The following USH2A variants were observed in gnomAD, a reference collection of about 807,000 sequenced individuals.
USH2A encodes usherin, also known as Usher syndrome 2A (autosomal recessive, mild).
A neutral mutation model predicts 538.9 loss-of-function variants in USH2A; 443 were observed. That is an observed-to-expected ratio of 0.82 (90% CI 0.76 to 0.89). The LOEUF (loss-of-function observed/expected upper bound fraction) is 0.89, where lower values mean the gene tolerates loss of function less well. Among genes scored for constraint, USH2A ranks in the 40% least tolerant of loss-of-function variants. The probability of loss-of-function intolerance (pLI) is 0.00; values close to 1 mark genes in which losing one functional copy is unlikely to be tolerated. For synonymous variants in USH2A, 2,413 were observed against 2,273.5 expected, an observed-to-expected ratio of 1.06 and a Z score of -1.75; for missense variants, 6,633 against 6,324.8, an observed-to-expected ratio of 1.05 and a Z score of -1.65.
intron 67 of USH2A, among the ~76,000 whole-genome samples, chr1:215,642,499 C>T (rs1656716458): frequency 1.3e-5 from 2 of 152,304 alleles, no homozygotes; most frequent in Middle Eastern, 3.4e-3. Flanking sequence ...CTCACCCCAA[C>T]TGTTAAATAT....
At chr1:215,922,982 C>T (rs569678232) in intron 38 of USH2A, among the ~76,000 whole-genome samples, 2 of 152,080 alleles carry the variant, frequency 1.3e-5, no homozygotes, top group East Asian at 3.9e-4. Flanking sequence ...ATGGGATGAG[C>T]CATTTCACAG....
At chr1:216,099,669 A>C (rs1205963374) in intron 21 of USH2A, among the ~76,000 whole-genome samples, 2 of 152,194 alleles carry the variant, frequency 1.3e-5, no homozygotes, top group African/African-American at 2.4e-5. Context: ...AACTCTATAC[A>C]TACCAGGAAA....
chr1:215,996,568 T>A (rs940050602), intron 34 of USH2A, among the ~76,000 whole-genome samples: 1 of 65,148 alleles, frequency 1.5e-5, no homozygotes, highest in Non-Finnish European at 3.7e-5. Flanking sequence ...ATGTTTTTTT[T>A]TTTTTTTTTT....
intron 55 of USH2A, among the ~76,000 whole-genome samples, chr1:215,772,855 G>A (rs1465926486): frequency 6.6e-6 from 1 of 152,192 alleles, no homozygotes; most frequent in Non-Finnish European, 1.5e-5. Context: ...AGCATGTTTA[G>A]TGATTAGCTC....
chr1:216,236,073 A>G (rs2035808828), intron 13 of USH2A, among the ~76,000 whole-genome samples: 1 of 152,144 alleles, frequency 6.6e-6, no homozygotes, highest in South Asian at 2.1e-4. Flanking sequence ...TCACGCTAAA[A>G]TTACTTCTAG....
intron 11 of USH2A, among the ~76,000 whole-genome samples, chr1:216,257,626 A>AT (rs933804349): frequency 6.6e-6 from 1 of 151,856 alleles, no homozygotes; most frequent in South Asian, 2.1e-4. Flanking sequence ...TTATTTGAAT[A>AT]TTTTTTATAT....
intron 35 of USH2A, among the ~76,000 whole-genome samples, chr1:215,989,141 T>C (rs1217642347): frequency 1.3e-5 from 2 of 152,232 alleles, no homozygotes; most frequent in South Asian, 2.1e-4. Flanking sequence ...GTTCTCATTA[T>C]AGAAATTGAG....
rs768461447 is a variant in USH2A at position 216,199,725 on chromosome 1, G to A, written c.3713C>T (p.Thr1238Ile). The A allele has an allele frequency of 6.8e-6, 11 of 1,613,986 alleles. No homozygotes were observed. Among genetic ancestry groups the A allele is most frequent in the Non-Finnish European group, 8.5e-6 (10 of 1,180,006 alleles). ...TAGTCTTTGGGGAGGGGCCTGGGCT[G>A]TGGTCACTGTAATGGGCAAGCTGTG... Reference protein sequence around the residue: ...CLHSLPITVTTAQAPPQRLSP... With the variant: ...CLHSLPITVTIAQAPPQRLSP... Residue 1238 changes from threonine (T) to isoleucine (I), a missense_variant, in exon 17 of 72, where the codon ACA becomes ATA. Physicochemically the swap from Thr to Ile is moderately conservative, Grantham distance 89 (BLOSUM62 -1). Coordinates refer to ENST00000307340, the MANE Select transcript of USH2A (RefSeq NM_206933.4).
chr1:215,930,858 G>A (rs1666345752), intron 38 of USH2A, among the ~76,000 whole-genome samples: 1 of 151,896 alleles, frequency 6.6e-6, no homozygotes, highest in Admixed American at 6.6e-5. Flanking sequence ...ATTAACATTT[G>A]GATTCGTTTT....
At chr1:215,933,074 A>T (rs533545) in intron 38 of USH2A, among the ~76,000 whole-genome samples, 2 of 151,864 alleles carry the variant, frequency 1.3e-5, no homozygotes, top group Admixed American at 6.6e-5. Context: ...ATCACAAACT[A>T]TTTAATCAGT....
intron 3 of USH2A, among the ~76,000 whole-genome samples, chr1:216,382,625 T>C (rs1310410863): frequency 1.3e-5 from 2 of 152,178 alleles, no homozygotes; most frequent in Admixed American, 1.3e-4. Context: ...GTTTTATAAC[T>C]ATGCATATGA....
intron 65 of USH2A, 102 bp downstream of exon 65, chr1:215,650,490 G>A (rs1319223856): frequency 3.6e-6 from 5 of 1,375,888 alleles, no homozygotes; most frequent in African/African-American, 2.9e-5. Flanking sequence ...AGAACAGAAG[G>A]ATAAGAAAGA....
At chr1:216,137,196 C>G (rs2033503292) in intron 21 of USH2A, among the ~76,000 whole-genome samples, 1 of 152,144 alleles carries the variant, frequency 6.6e-6, no homozygotes, top group South Asian at 2.1e-4. Context: ...AAAGTACGTT[C>G]CTTTGAACTG....
chr1:216,078,396 TA>T, intron 26 of USH2A, 34 bp from the exon 27 acceptor site: 1 of 1,605,520 alleles, frequency 6.2e-7, no homozygotes. Context: ...AGTAGGTATA[TA>T]AAAAGGCTGC....
rs766609270 is a variant in USH2A at position 216,199,975 on chromosome 1, T to G, written c.3463A>C (p.Ser1155Arg). The G allele has an allele frequency of 6.2e-7, 1 of 1,614,114 alleles. No individual in the cohort carries two copies. The stretch of plus-strand genomic sequence containing the variant: ...TCTGAGCCAATAGGAATGATATAAC[T>G]TAAAGTCAAGTTTCCCTCTGGGACC... The part of the protein sequence containing the change: ...PGVPEGNLTL[S>R]YIIPIGSDSV... The change falls in exon 17 of 72, where the codon AGT (serine) becomes CGT (arginine). Residue 1155 changes from serine to arginine, a missense_variant. Transcript: ENST00000307340.
At chr1:216,322,604 C>CAAAA (rs202180946) in intron 8 of USH2A, among the ~76,000 whole-genome samples, 4 of 72,720 alleles carry the variant, frequency 5.5e-5, no homozygotes, top group East Asian at 4.7e-4. Flanking sequence ...AAAAGCCTGT[C>CAAAA]AAAAAAAAAA....
chr1:215,991,834 C>G (rs956757274), intron 35 of USH2A, among the ~76,000 whole-genome samples: 71 of 152,220 alleles, frequency 4.7e-4, no homozygotes, highest in African/African-American at 1.6e-3. Flanking sequence ...CACAGCAATC[C>G]AATTGAAATA....
At chr1:216,114,622 G>A (rs752529029) in intron 21 of USH2A, among the ~76,000 whole-genome samples, 15 of 152,056 alleles carry the variant, frequency 9.9e-5, no homozygotes, top group Non-Finnish European at 1.6e-4. Context: ...TAAATTTTTA[G>A]GAAACTTTAG....
intron 58 of USH2A, 134 bp downstream of exon 58, chr1:215,758,461 T>G (rs1660877418): frequency 9.0e-7 from 1 of 1,112,964 alleles, no homozygotes. Flanking sequence ...GTGGTTTAGA[T>G]TTTTCTGTTC....
Sources: allele counts gnomAD v4.1 joint callset (sites outside exome capture counted in the v4.1 genomes callset), GRCh38; gene constraint gnomAD v4.1.1; transcripts MANE v1.5; gene names NCBI Gene and HGNC (gene_info 2026-07-23, HGNC 2026-07-21).